IMMP1L: variants seen among roughly 807,000 people sequenced by gnomAD.
The protein encoded by IMMP1L is inner mitochondrial membrane peptidase subunit 1, also known as mitochondrial inner membrane protease subunit 1.
A neutral mutation model predicts 21.8 loss-of-function variants in IMMP1L; 24 were observed. The observed-to-expected ratio is 1.10, with a 90% CI of 0.80 to 1.55. The LOEUF is 1.55. Ranked by LOEUF, IMMP1L falls within the 40% of genes most tolerant of loss-of-function variation. The pLI is 0.00. For missense variants in IMMP1L, 195 were observed against 200.7 expected, an observed-to-expected ratio of 0.97 and a Z score of 0.17; for synonymous variants, 46 against 62.8, an observed-to-expected ratio of 0.73 and a Z score of 1.26.
At chr11:31,480,876 T>A (rs1954872982) in intron 1 of IMMP1L, among the ~76,000 whole-genome samples, 1 of 152,062 alleles carries the variant, frequency 6.6e-6, no homozygotes, top group Non-Finnish European at 1.5e-5. Flanking sequence ...TGAATAAAAA[T>A]TCATCAGTTT....
chr11:31,442,757 T>C (rs1441848156), intron 4 of IMMP1L, among the ~76,000 whole-genome samples: 1 of 152,190 alleles, frequency 6.6e-6, no homozygotes, highest in Non-Finnish European at 1.5e-5. Context: ...GAATCCTTTT[T>C]TTAATGATTA....
At chr11:31,487,843 T>C (rs1955134187) in intron 1 of IMMP1L, among the ~76,000 whole-genome samples, 2 of 152,132 alleles carry the variant, frequency 1.3e-5, no homozygotes, top group African/African-American at 4.8e-5. Flanking sequence ...CAATGAAATT[T>C]TGAAACAAGA....
At chr11:31,477,414 A>G (rs554926292) in intron 1 of IMMP1L, 33 of 351,458 alleles carry the variant, frequency 9.4e-5, no homozygotes, top group Non-Finnish European at 1.2e-4. Flanking sequence ...CTTAGTTTGT[A>G]TATGTCTTGC....
At chr11:31,490,469 TAAA>T (rs60971392) in intron 1 of IMMP1L, among the ~76,000 whole-genome samples, 2 of 131,744 alleles carry the variant, frequency 1.5e-5, no homozygotes, top group Non-Finnish European at 3.3e-5. Context: ...AGACTCCATC[TAAA>T]AAAAAAAAAA....
At chr11:31,473,182 T>C (rs1954624380) in intron 1 of IMMP1L, among the ~76,000 whole-genome samples, 1 of 152,198 alleles carries the variant, frequency 6.6e-6, no homozygotes, top group Non-Finnish European at 1.5e-5. Context: ...CCTAAGTAAC[T>C]GGGACTACAG....
intron 1 of IMMP1L, among the ~76,000 whole-genome samples, chr11:31,507,715 T>C (rs533868249): frequency 1.4e-4 from 21 of 152,162 alleles, no homozygotes; most frequent in Admixed American, 1.4e-3. Context: ...ATCAGTTAGA[T>C]AGGAGGAATA....
chr11:31,463,122 TGAAA>T, intron 2 of IMMP1L, 46 bp downstream of exon 2: 5 of 1,408,766 alleles, frequency 3.5e-6, no homozygotes, highest in African/African-American at 1.5e-5. Flanking sequence ...TCCTTCCATT[TGAAA>T]GAAAGTATAT....
intron 4 of IMMP1L, among the ~76,000 whole-genome samples, chr11:31,443,787 G>A (rs1254451711): frequency 6.6e-6 from 1 of 152,038 alleles, no homozygotes; most frequent in Non-Finnish European, 1.5e-5. Context: ...CTTAAAAATG[G>A]TGCCACCTTA....
At position 31,453,234 on chromosome 11, in the gene IMMP1L, T is replaced by C. The variant is rs867892652; in HGVS notation, c.321+3026A>G. On this transcript the variant is annotated intron_variant, in intron 4 of 5. Transcript: ENST00000532287. The stretch of plus-strand genomic sequence containing the variant: ...CATCACTACATCACTTAACCAATGA[T>C]TTGTTTATGTTCTTTTCTGCCAACC... 57 of 545,244 alleles carry C rather than the reference T, an allele frequency of 1.0e-4. No individual in the cohort carries two copies. In the African/African-American group the frequency reaches 1.1e-3, roughly 11 times the overall value. 33.8% of individuals were successfully genotyped at this position (545,244 alleles called of 1,614,324 possible).
intron 4 of IMMP1L, among the ~76,000 whole-genome samples, chr11:31,451,118 A>G (rs1271563734): frequency 6.6e-6 from 1 of 152,346 alleles, no homozygotes; most frequent in South Asian, 2.1e-4. Flanking sequence ...CAATGACACA[A>G]TAATTACAAG....
chr11:31,452,988 G>C, intron 4 of IMMP1L: 5 of 986,506 alleles, frequency 5.1e-6, no homozygotes, highest in Non-Finnish European at 6.9e-6. Flanking sequence ...TTGACCTCAG[G>C]TGATCTGCCT....
At chr11:31,432,893 A>C (rs1952962781) in intron 5 of IMMP1L, among the ~76,000 whole-genome samples, 1 of 152,190 alleles carries the variant, frequency 6.6e-6, no homozygotes, top group African/African-American at 2.4e-5. Context: ...CTTTCAACCA[A>C]AGGGGCTTAG....
At chr11:31,501,259 G>C (rs1955609177) in intron 1 of IMMP1L, among the ~76,000 whole-genome samples, 1 of 152,212 alleles carries the variant, frequency 6.6e-6, no homozygotes, top group African/African-American at 2.4e-5. Context: ...GCTACAGTCT[G>C]AATGTGTCCC....
intron 1 of IMMP1L, among the ~76,000 whole-genome samples, chr11:31,509,246 C>G (rs1955911025): frequency 1.3e-5 from 2 of 152,152 alleles, no homozygotes; most frequent in African/African-American, 4.8e-5. Flanking sequence ...TAAGCCCAGA[C>G]GCTCAGCAAC....
intron 3 of IMMP1L, among the ~76,000 whole-genome samples, chr11:31,459,899 G>A (rs1954077129): frequency 6.6e-6 from 1 of 152,170 alleles, no homozygotes; most frequent in South Asian, 2.1e-4. Context: ...GCTCACACCT[G>A]TAATCCCAAC....
chr11:31,438,813 T>C (rs561826674), intron 4 of IMMP1L, among the ~76,000 whole-genome samples: 1 of 152,284 alleles, frequency 6.6e-6, no homozygotes, highest in East Asian at 1.9e-4. Context: ...TACTCCAGGG[T>C]TTACAATATG....
chr11:31,504,725 A>T (rs1955728228), intron 1 of IMMP1L, among the ~76,000 whole-genome samples: 1 of 152,216 alleles, frequency 6.6e-6, no homozygotes, highest in Non-Finnish European at 1.5e-5. Flanking sequence ...GATCAGCCAC[A>T]ACGACACACA....
intron 4 of IMMP1L, among the ~76,000 whole-genome samples, chr11:31,454,429 GCAACA>G (rs1215894432): frequency 9.4e-6 from 1 of 106,548 alleles, no homozygotes; most frequent in East Asian, 2.9e-4. Context: ...TCCAGCTTGG[GCAACA>G]GAGCAAGACC....
chr11:31,509,404 G>C (rs1017203237), intron 1 of IMMP1L, 115 bp downstream of exon 1: 2 of 206,614 alleles, frequency 9.7e-6, no homozygotes, highest in Admixed American at 1.0e-4. Flanking sequence ...AGCGGAGAAA[G>C]GTGCTAGCAA....
Sources: allele counts gnomAD v4.1 joint callset (sites outside exome capture counted in the v4.1 genomes callset), GRCh38; gene constraint gnomAD v4.1.1; transcripts MANE v1.5; gene names NCBI Gene and HGNC (gene_info 2026-07-23, HGNC 2026-07-21).